NUP214: variants seen among roughly 807,000 people sequenced by gnomAD.
The protein encoded by NUP214 is nuclear pore complex protein Nup214.
NUP214 carries 79 observed loss-of-function variants against 196.2 expected under a neutral mutation model. The observed-to-expected ratio is 0.40, with a 90% CI of 0.34 to 0.49. NUP214 has a LOEUF of 0.49. Ranked by LOEUF, NUP214 falls within the 20% of genes least tolerant of loss-of-function variation. The pLI is 0.58. For missense variants in NUP214, 2,468 were observed against 2,539.0 expected (o/e 0.97, Z 0.60); for synonymous variants, 1,020 against 990.5 (o/e 1.03, Z -0.56).
intron 21 of NUP214, chr9:131,165,341 T>C (rs531475041): frequency 6.6e-6 from 1 of 152,362 alleles, no homozygotes; most frequent in East Asian, 1.9e-4. Context: ...GTTATTTTGG[T>C]TTAGTTCCAA....
At chr9:131,161,360 C>T (rs924260048) in intron 18 of NUP214, among the ~76,000 whole-genome samples, 8 of 151,370 alleles carry the variant, frequency 5.3e-5, no homozygotes, top group Non-Finnish European at 8.8e-5. Context: ...GGGGTTCAGG[C>T]GATTCTCCTG....
intron 4 of NUP214, 72 bp downstream of exon 4, chr9:131,129,549 G>C (rs1320985216): frequency 1.4e-6 from 2 of 1,430,892 alleles, no homozygotes; most frequent in Non-Finnish European, 2.0e-6. Context: ...TTCTAGAAGT[G>C]AAAGTGGATA....
intron 32 of NUP214, among the ~76,000 whole-genome samples, chr9:131,223,737 T>TA (rs1443923476): frequency 1.1e-4 from 4 of 37,546 alleles, no homozygotes; most frequent in Admixed American, 3.6e-4. Context: ...ATTTTTTTTT[T>TA]TTTTTTTTTT....
chr9:131,216,226 TTTTC>T (rs1256502796), intron 31 of NUP214, among the ~76,000 whole-genome samples: 3 of 149,120 alleles, frequency 2.0e-5, no homozygotes, highest in Admixed American at 6.7e-5. Flanking sequence ...TTTTTTTTTT[TTTTC>T]TTTTTTCTTT....
chr9:131,137,826 C>T (rs1296090901), intron 9 of NUP214, among the ~76,000 whole-genome samples: 1 of 152,148 alleles, frequency 6.6e-6, no homozygotes, highest in Non-Finnish European at 1.5e-5. Context: ...GCTGGGATTA[C>T]AGGCATGAGC....
In NUP214 at chr9:131,196,025, T is replaced by TCCGTCCCCCCCCC. The variant is rs1554737948; in HGVS notation, c.3721+733_3721+734insGTCCCCCCCCCCC. 3.0e-3 allele frequency among the ~76,000 whole-genome samples: 11 copies of TCCGTCCCCCCCCC among 3,668 alleles called. 5 individuals are homozygous for TCCGTCCCCCCCCC. Among genetic ancestry groups the TCCGTCCCCCCCCC allele is most frequent in the Non-Finnish European group, 5.0e-3 (8 of 1,588 alleles). The allele number at this position is 3,668 out of a possible 152,430, so 2.4% of individuals were successfully genotyped here. A position where few individuals can be genotyped will look rare whatever the true frequency, so the allele number is the denominator to read the frequency against. On this transcript the variant is annotated intron_variant, in intron 28 of 35. Coordinates refer to ENST00000359428, the MANE Select transcript of NUP214 (RefSeq NM_005085.4). ...GGCAACAAGAGTGAAACTCTGTGTG[T>TCCGTCCCCCCCCC]CCCCCCCCCCCCCCGCGCCAAAAAA...
chr9:131,205,770 C>G (rs919242297), intron 30 of NUP214, among the ~76,000 whole-genome samples: 1 of 152,160 alleles, frequency 6.6e-6, no homozygotes, highest in Non-Finnish European at 1.5e-5. Context: ...TCTTGGCTCA[C>G]TGCAACCTCT....
intron 30 of NUP214, among the ~76,000 whole-genome samples, chr9:131,202,403 A>T (rs1157816498): frequency 1.3e-5 from 2 of 151,854 alleles, no homozygotes; most frequent in Non-Finnish European, 2.9e-5. Flanking sequence ...ACACACACAC[A>T]TATATATATT....
chr9:131,169,657 G>A (rs997107216), intron 21 of NUP214, among the ~76,000 whole-genome samples: 1 of 152,162 alleles, frequency 6.6e-6, no homozygotes, highest in African/African-American at 2.4e-5. Flanking sequence ...CAGAGTAGGG[G>A]TTGGCAGATT....
At chr9:131,142,836 A>T (rs1214252309) in intron 11 of NUP214, among the ~76,000 whole-genome samples, 1 of 152,228 alleles carries the variant, frequency 6.6e-6, no homozygotes, top group African/African-American at 2.4e-5. Flanking sequence ...ACGTTGCATT[A>T]GACAAAGTGT....
chr9:131,152,104 A>AT (rs567547252), intron 17 of NUP214, among the ~76,000 whole-genome samples: 7 of 152,098 alleles, frequency 4.6e-5, no homozygotes, highest in African/African-American at 7.2e-5. Flanking sequence ...TAAAACATAG[A>AT]TTTTTTTTAA....
At position 131,233,241 on chromosome 9, in the gene NUP214, C is replaced by G. The variant is rs550703706; in HGVS notation, c.6240-213C>G. Among the ~76,000 whole-genome samples the G allele has an allele frequency of 2.6e-5, 4 of 152,102 alleles. No homozygotes were observed. The South Asian group carries it at 8.3e-4, about 32-fold the overall frequency. On this transcript the variant is annotated intron_variant, in intron 35 of 35. Transcript: ENST00000359428. Reference sequence around the variant, plus strand: ...GTAATCCCAGCCACTGAGGCTGAGGCAAAAGAAGCACTTGAGCCCGAGAGA... The same window carrying G: ...GTAATCCCAGCCACTGAGGCTGAGGGAAAAGAAGCACTTGAGCCCGAGAGA...
rs1290590504 is a variant in NUP214 at position 131,201,761 on chromosome 9, C to A, written c.5592+44C>A. On this transcript the variant is annotated intron_variant, in intron 30 of 35. Transcript: ENST00000359428. ...TCATTCACGTCAACATGTATCAAACCCATTCAGTTTTCTTCACTGTAATGT... is the reference window on the plus strand; with the variant it reads ...TCATTCACGTCAACATGTATCAAACACATTCAGTTTTCTTCACTGTAATGT... 7 of 1,516,846 alleles carry A rather than the reference C, an allele frequency of 4.6e-6. No individual in the cohort carries two copies. In the East Asian group the frequency reaches 1.6e-4, roughly 34 times the overall value. The allele number at this position is 1,516,846 out of a possible 1,614,324, so 94.0% of individuals were successfully genotyped here. A position where few individuals can be genotyped will look rare whatever the true frequency, so the allele number is the denominator to read the frequency against.
At chr9:131,182,357 TAC>T (rs902987465) in intron 24 of NUP214, among the ~76,000 whole-genome samples, 1 of 152,240 alleles carries the variant, frequency 6.6e-6, no homozygotes, top group African/African-American at 2.4e-5. Context: ...AAGTGAGCAT[TAC>T]CACCTGAGCT....
rs1242316960 is a variant in NUP214, at chr9:131,189,042, T to C, written c.3496-11T>C. ...GTTTAACATAAACATTTTGCTTGCA[T>C]TCTGTTATAGGGGTCTCTAATAAAT... On this transcript the variant is annotated splice_polypyrimidine_tract_variant and intron_variant, in intron 25 of 35. Transcript: ENST00000359428. The C allele has an allele frequency of 1.2e-6, 2 of 1,605,710 alleles. No individual in the cohort carries two copies. Among genetic ancestry groups the C allele is most frequent in the Non-Finnish European group, 1.7e-6 (2 of 1,172,766 alleles).
intron 6 of NUP214, 34 bp downstream of exon 6, chr9:131,132,693 A>G (rs1164678948): frequency 1.9e-6 from 3 of 1,555,792 alleles, no homozygotes; most frequent in Non-Finnish European, 2.7e-6. Flanking sequence ...GCTGACCTCT[A>G]ATGACATGTT....
intron 27 of NUP214, 149 bp downstream of exon 27, chr9:131,192,441 G>T: frequency 2.1e-6 from 1 of 474,566 alleles, no homozygotes; most frequent in Non-Finnish European, 3.7e-6. Flanking sequence ...AGTGGCAATA[G>T]TTTAATGTTC....
intron 31 of NUP214, among the ~76,000 whole-genome samples, chr9:131,221,216 G>C (rs558125898): frequency 6.6e-6 from 1 of 152,346 alleles, no homozygotes; most frequent in Non-Finnish European, 1.5e-5. Flanking sequence ...ACATTATCCT[G>C]TGGTACCGAG....
chr9:131,216,417 C>T (rs1437221405), intron 31 of NUP214, among the ~76,000 whole-genome samples: 4 of 149,418 alleles, frequency 2.7e-5, no homozygotes, highest in Non-Finnish European at 5.9e-5. Context: ...TTAGTAGAGA[C>T]GGGGTTTCAC....
Sources: allele counts gnomAD v4.1 joint callset (sites outside exome capture counted in the v4.1 genomes callset), GRCh38; gene constraint gnomAD v4.1.1; transcripts MANE v1.5; gene names NCBI Gene and HGNC (gene_info 2026-07-23, HGNC 2026-07-21).